SDK1: variants seen among roughly 807,000 people sequenced by gnomAD.
The protein encoded by SDK1 is protein sidekick-1.
Under a neutral mutation model 245.5 loss-of-function variants are expected in SDK1, and 157 were observed. That is an observed-to-expected ratio of 0.64 (90% CI 0.56 to 0.73). The LOEUF (loss-of-function observed/expected upper bound fraction) is 0.73. SDK1 is among the 30% of genes least tolerant of loss of function. The pLI is 0.00. For synonymous variants in SDK1, 1,647 were observed against 1,278.5 expected (o/e 1.29, Z -6.15); for missense variants, 3,583 against 3,002.3 (o/e 1.19, Z -4.52).
At chr7:4,060,006 A>G (rs371221529) in intron 19 of SDK1, among the ~76,000 whole-genome samples, 2 of 150,062 alleles carry the variant, frequency 1.3e-5, no homozygotes, top group African/African-American at 4.9e-5. Flanking sequence ...CAGCCTCCTC[A>G]GTAGCTGGGA....
intron 38 of SDK1, among the ~76,000 whole-genome samples, chr7:4,214,434 CTT>C (rs1274539687): frequency 6.6e-6 from 1 of 152,234 alleles, no homozygotes; most frequent in Non-Finnish European, 1.5e-5. Flanking sequence ...AGCCTTGTCT[CTT>C]TTGTCTGTTG....
intron 4 of SDK1, among the ~76,000 whole-genome samples, chr7:3,780,632 T>A (rs981059545): frequency 6.6e-6 from 1 of 152,024 alleles, no homozygotes. Flanking sequence ...CAGGAAGACA[T>A]TCACCTCCTC....
At chr7:3,851,089 C>A (rs561140519) in intron 5 of SDK1, among the ~76,000 whole-genome samples, 28 of 152,154 alleles carry the variant, frequency 1.8e-4, no homozygotes, top group African/African-American at 6.5e-4. Context: ...CTAAATAAAC[C>A]CCGTGCATGC....
At position 4,139,988 on chromosome 7, in the gene SDK1, T is replaced by C. The variant is rs138323248; in HGVS notation, c.4229-5734T>C. ...CACTGTTCTCCCATGAGCCTATTCA[T>C]TGTGCACCTCTGGGCCAGCTCTGCA... is the stretch of plus-strand genomic sequence containing the variant. On this transcript the variant is annotated intron_variant, in intron 28 of 44. Transcript: ENST00000404826. Among the ~76,000 whole-genome samples the C allele has an allele frequency of 8.2e-3, 1,255 of 152,216 alleles. 6 individuals are homozygous for C. The highest frequency in any genetic ancestry group is 0.015 in the Non-Finnish European group (1,012 of 67,980).
At chr7:3,481,697 G>T (rs910603233) in intron 1 of SDK1, among the ~76,000 whole-genome samples, 2 of 152,210 alleles carry the variant, frequency 1.3e-5, no homozygotes, top group Admixed American at 6.5e-5. Context: ...TGTCCACTCT[G>T]TCCTCTCAGC....
chr7:3,452,947 C>G lies in SDK1; in HGVS notation c.298+151063C>G, dbSNP rs77646534. Among the ~76,000 whole-genome samples the G allele has an allele frequency of 2.9e-3, 434 of 152,274 alleles. 1 individual carries two copies. Among genetic ancestry groups the G allele is most frequent in the African/African-American group, 9.9e-3 (411 of 41,556 alleles). The stretch of plus-strand genomic sequence containing the variant: ...GCTGCCCCTGTTAAAATCAGTTACC[C>G]TATTCCACCTGATTCATCCTTGAGA... On this transcript the variant is annotated intron_variant, in intron 1 of 44. Transcript: ENST00000404826.
In SDK1 at chr7:3,712,730, G is replaced by T. The variant is rs181985678; in HGVS notation, c.713+70625G>T. ...GCAGTAGTTACCTTGTTAGAGAAAT[G>T]GGTACAAGAGTATACCTGTTCACCT... On this transcript the variant is annotated intron_variant, in intron 4 of 44. Transcript: ENST00000404826. Among the ~76,000 whole-genome samples the T allele has an allele frequency of 2.0e-5, 3 of 152,166 alleles. No individual in the cohort carries two copies. In the East Asian group the frequency reaches 5.8e-4, roughly 29 times the overall value.
At chr7:4,189,241 G>A (rs532718012) in intron 35 of SDK1, among the ~76,000 whole-genome samples, 1 of 152,222 alleles carries the variant, frequency 6.6e-6, no homozygotes, top group African/African-American at 2.4e-5. Context: ...TGCTTGTCAA[G>A]TCATTCCTGG....
At chr7:3,888,617 G>A (rs1219689476) in intron 5 of SDK1, among the ~76,000 whole-genome samples, 1 of 152,176 alleles carries the variant, frequency 6.6e-6, no homozygotes, top group Non-Finnish European at 1.5e-5. Context: ...CACCACAACA[G>A]GAGTGACTTT....
chr7:3,815,897 C>G (rs1340253232), intron 4 of SDK1, among the ~76,000 whole-genome samples: 2 of 146,716 alleles, frequency 1.4e-5, no homozygotes, highest in Non-Finnish European at 3.0e-5. Flanking sequence ...CAAACTATCT[C>G]TCAGACCACA....
chr7:4,075,656 CTTT>C (rs1367898161), intron 20 of SDK1, among the ~76,000 whole-genome samples: 5 of 141,210 alleles, frequency 3.5e-5, no homozygotes, highest in Admixed American at 7.1e-5. Flanking sequence ...CTTATTTCTC[CTTT>C]TTTTTTTTTT....
At chr7:3,535,509 A>G (rs928381229) in intron 1 of SDK1, among the ~76,000 whole-genome samples, 1 of 152,138 alleles carries the variant, frequency 6.6e-6, no homozygotes, top group Non-Finnish European at 1.5e-5. Context: ...AGGCTCAGTC[A>G]TACTATTCTT....
At chr7:3,957,286 T>A (rs1158486605) in intron 7 of SDK1, among the ~76,000 whole-genome samples, 1 of 152,174 alleles carries the variant, frequency 6.6e-6, no homozygotes, top group Non-Finnish European at 1.5e-5. Flanking sequence ...TCACGCACAC[T>A]TGAGCGCAGG....
At chr7:3,911,037 A>G (rs1779144474) in intron 5 of SDK1, among the ~76,000 whole-genome samples, 1 of 152,158 alleles carries the variant, frequency 6.6e-6, no homozygotes, top group African/African-American at 2.4e-5. Flanking sequence ...CCTTTCCAAG[A>G]GGGTGGCCTT....
intron 1 of SDK1, among the ~76,000 whole-genome samples, chr7:3,315,305 T>A (rs886440627): frequency 1.3e-5 from 2 of 152,206 alleles, no homozygotes; most frequent in African/African-American, 4.8e-5. Context: ...CTTCAAGTTA[T>A]ACAGTATCAT....
intron 22 of SDK1, among the ~76,000 whole-genome samples, chr7:4,084,972 C>G (rs1166966290): frequency 6.6e-6 from 1 of 152,002 alleles, no homozygotes; most frequent in Non-Finnish European, 1.5e-5. Flanking sequence ...CATGTTGGAC[C>G]AGGCTGGTGT....
intron 25 of SDK1, among the ~76,000 whole-genome samples, chr7:4,123,155 C>T (rs1352826951): frequency 1.3e-5 from 2 of 152,116 alleles, no homozygotes; most frequent in South Asian, 2.1e-4. Context: ...TCACAGTTTC[C>T]CACAGGAAGC....
chr7:3,629,205 G>T (rs753461037), intron 2 of SDK1, among the ~76,000 whole-genome samples: 4 of 151,566 alleles, frequency 2.6e-5, no homozygotes, highest in Non-Finnish European at 5.9e-5. Context: ...GGAGGCTGAG[G>T]CAGGAGAATG....
At chr7:3,356,496 A>G (rs1324930473) in intron 1 of SDK1, among the ~76,000 whole-genome samples, 1 of 152,080 alleles carries the variant, frequency 6.6e-6, no homozygotes, top group Non-Finnish European at 1.5e-5. Flanking sequence ...TATTTGGATG[A>G]TCTAAGACCT....
Sources: allele counts gnomAD v4.1 joint callset (sites outside exome capture counted in the v4.1 genomes callset), GRCh38; gene constraint gnomAD v4.1.1; transcripts MANE v1.5; gene names NCBI Gene and HGNC (gene_info 2026-07-23, HGNC 2026-07-21).